Variants in TMPRSS15 observed in about 807,000 individuals in gnomAD.
The protein encoded by TMPRSS15 is transmembrane serine protease 15, also known as enteropeptidase.
TMPRSS15 carries 128 observed loss-of-function variants against 125.3 expected under a neutral mutation model. The ratio of observed to expected loss-of-function variants is 1.02; its 90% CI spans 0.89 to 1.18. The LOEUF (loss-of-function observed/expected upper bound fraction) is 1.18. Among genes scored for constraint, TMPRSS15 ranks in the 50% most tolerant of loss-of-function variants. The probability of loss-of-function intolerance (pLI) is 0.00; values close to 1 mark genes in which losing one functional copy is unlikely to be tolerated. For synonymous variants in TMPRSS15, 446 were observed against 423.2 expected, an observed-to-expected ratio of 1.05 and a Z score of -0.66; for missense variants, 1,283 against 1,212.7, an observed-to-expected ratio of 1.06 and a Z score of -0.86.
intron 7 of TMPRSS15, among the ~76,000 whole-genome samples, chr21:18,363,291 C>A (rs1348170787): frequency 6.6e-6 from 1 of 151,904 alleles, no homozygotes; most frequent in Non-Finnish European, 1.5e-5. Context: ...ATTTATCAAT[C>A]ATAGATTTCT....
At chr21:18,353,907 G>T in intron 8 of TMPRSS15, 44 bp from the exon 9 acceptor site, 1 of 1,563,284 alleles carries the variant, frequency 6.4e-7, no homozygotes, top group Non-Finnish European at 8.8e-7. Flanking sequence ...ATATCTATCT[G>T]TTCATCTCTC....
At chr21:18,428,518 GT>G (rs1340763227) in intron 1 of TMPRSS15, among the ~76,000 whole-genome samples, 4 of 152,128 alleles carry the variant, frequency 2.6e-5, no homozygotes, top group Non-Finnish European at 5.9e-5. Context: ...TTGTGGGCCG[GT>G]CCCAGGGCCC....
rs2076052758 is a variant in TMPRSS15 at position 18,397,705 on chromosome 21, AT to A, written c.344+173del. Among the ~76,000 whole-genome samples, 7 of 152,180 alleles carry A rather than the reference AT, an allele frequency of 4.6e-5. No homozygotes were observed. In the South Asian group the frequency reaches 1.4e-3, roughly 31 times the overall value. On this transcript the variant is annotated intron_variant, in intron 3 of 24. Coordinates refer to ENST00000284885, the MANE Select transcript of TMPRSS15 (RefSeq NM_002772.3). ...AACATAAGATCAATTATCAAAAGTT[AT>A]TATTATTCGCTACTAAAATGAAAGT...
chr21:18,285,742 T>C (rs532833481), intron 21 of TMPRSS15, among the ~76,000 whole-genome samples: 7 of 152,342 alleles, frequency 4.6e-5, no homozygotes, highest in African/African-American at 1.7e-4. Flanking sequence ...GTGACTCTCA[T>C]ATAATGATCA....
intron 18 of TMPRSS15, among the ~76,000 whole-genome samples, chr21:18,302,078 C>T (rs193257633): frequency 1.3e-5 from 2 of 152,138 alleles, no homozygotes; most frequent in Non-Finnish European, 1.5e-5. Context: ...AAGAATTCTT[C>T]CCTGGAGCAG....
At chr21:18,394,972 A>G (rs546004032) in intron 3 of TMPRSS15, among the ~76,000 whole-genome samples, 1 of 152,328 alleles carries the variant, frequency 6.6e-6, no homozygotes, top group South Asian at 2.1e-4. Flanking sequence ...AAGAGAATAA[A>G]AAGATTGTAA....
intron 12 of TMPRSS15, among the ~76,000 whole-genome samples, chr21:18,343,186 G>C (rs1458668058): frequency 6.6e-6 from 1 of 152,160 alleles, no homozygotes; most frequent in Non-Finnish European, 1.5e-5. Flanking sequence ...GGTAGGCAGA[G>C]GGCTTAGAGA....
chr21:18,414,859 T>C (rs773573364), intron 1 of TMPRSS15, among the ~76,000 whole-genome samples: 57 of 152,304 alleles, frequency 3.7e-4, no homozygotes, highest in Middle Eastern at 6.8e-3. Flanking sequence ...CTGATTTCAA[T>C]TTCTTGGGAT....
rs1294054105 is a variant in TMPRSS15, at chr21:18,342,282, G to A, written c.1429-734C>T. ...ATGCTATTTGCTATGCTAGGCACAT[G>A]GTATACATTGATCTTATTTAATTTT... On this transcript the variant is annotated intron_variant, in intron 12 of 24. Coordinates refer to ENST00000284885, the MANE Select transcript of TMPRSS15 (RefSeq NM_002772.3). Among the ~76,000 whole-genome samples, 3 of 152,166 alleles carry A rather than the reference G, an allele frequency of 2.0e-5. 1 individual carries two copies. Among genetic ancestry groups the A allele is most frequent in the Middle Eastern group, 6.3e-3 (2 of 316 alleles).
chr21:18,410,947 C>A (rs1358414677), intron 1 of TMPRSS15, among the ~76,000 whole-genome samples: 1 of 151,922 alleles, frequency 6.6e-6, no homozygotes, highest in African/African-American at 2.4e-5. Flanking sequence ...AGATTGTATG[C>A]ATGGACAATA....
At chr21:18,369,217 A>G (rs2075768293) in intron 6 of TMPRSS15, among the ~76,000 whole-genome samples, 1 of 152,198 alleles carries the variant, frequency 6.6e-6, no homozygotes, top group Non-Finnish European at 1.5e-5. Context: ...ACCCACGAAG[A>G]ACTCCCTCTG....
intron 16 of TMPRSS15, among the ~76,000 whole-genome samples, chr21:18,325,515 G>T (rs371913938): frequency 1.4e-4 from 21 of 152,160 alleles, no homozygotes; most frequent in African/African-American, 3.4e-4. Flanking sequence ...ACTGGATTTT[G>T]TATTAGATAA....
intron 1 of TMPRSS15, among the ~76,000 whole-genome samples, chr21:18,410,938 GATTGTATGCATGGACAATATC>G (rs1252693161): frequency 6.6e-6 from 1 of 152,030 alleles, no homozygotes; most frequent in African/African-American, 2.4e-5. Context: ...CTGGCTCTAA[GATTGTATGCATGGACAATATC>G]ATTAGTTATT....
At position 18,374,390 on chromosome 21, in the gene TMPRSS15, G is replaced by A. The variant is rs191116934; in HGVS notation, c.533-2066C>T. 3.9e-3 allele frequency among the ~76,000 whole-genome samples: 577 copies of A among 147,394 alleles called. 2 individuals are homozygous for A. The highest frequency in any genetic ancestry group is 5.9e-3 in the Non-Finnish European group (394 of 67,068). ...CGGGAGGCTGAGGCAGGAGAATGGC[G>A]TGAACCCGGGAAGCGGAGCTTGCAG... On this transcript the variant is annotated intron_variant, in intron 5 of 24. Transcript: ENST00000284885.
rs563063945 is a variant in TMPRSS15 at position 18,344,735 on chromosome 21, A to G, written c.1172-675T>C. Among the ~76,000 whole-genome samples, 3 of 152,308 alleles carry G rather than the reference A, an allele frequency of 2.0e-5. No homozygotes were observed. In the South Asian group the frequency reaches 6.2e-4, roughly 32 times the overall value. ...GATTTCAGTCATTTGAAGTTTGTGA[A>G]GGGTTGTTGGGATAACATTTTGAAC... On this transcript the variant is annotated intron_variant, in intron 10 of 24. Coordinates refer to ENST00000284885, the MANE Select transcript of TMPRSS15 (RefSeq NM_002772.3).
At chr21:18,361,364 G>T (rs922241205) in intron 7 of TMPRSS15, among the ~76,000 whole-genome samples, 3 of 152,094 alleles carry the variant, frequency 2.0e-5, no homozygotes, top group Admixed American at 1.3e-4. Context: ...AACATCTAAG[G>T]CTCCTTGGGC....
intron 7 of TMPRSS15, among the ~76,000 whole-genome samples, chr21:18,360,298 C>T (rs2075667922): frequency 6.6e-6 from 1 of 151,940 alleles, no homozygotes; most frequent in Non-Finnish European, 1.5e-5. Context: ...GAGTAATATT[C>T]ATATATATAT....
intron 1 of TMPRSS15, among the ~76,000 whole-genome samples, chr21:18,449,137 G>A (rs914494261): frequency 2.0e-5 from 3 of 152,194 alleles, no homozygotes; most frequent in Admixed American, 6.5e-5. Context: ...GGAAAAGGAA[G>A]GGAGAAATTT....
intron 3 of TMPRSS15, among the ~76,000 whole-genome samples, chr21:18,396,928 T>C (rs1373385481): frequency 6.6e-6 from 1 of 152,078 alleles, no homozygotes; most frequent in Non-Finnish European, 1.5e-5. Context: ...ATAGGATCTC[T>C]GTTTTACCTA....
Sources: gnomAD v4.1 joint callset for allele counts (sites outside exome capture counted in the v4.1 genomes callset) on GRCh38, gnomAD v4.1.1 for gene constraint, MANE v1.5 for transcripts, NCBI Gene and HGNC (gene_info 2026-07-23, HGNC 2026-07-21) for gene names.